Variants in KIAA2012 observed in about 807,000 individuals in gnomAD.
KIAA2012 encodes uncharacterized protein KIAA2012.
Under a neutral mutation model 150.6 loss-of-function variants are expected in KIAA2012, and 125 were observed. The observed-to-expected ratio is 0.83, with a 90% CI of 0.72 to 0.96. The LOEUF (loss-of-function observed/expected upper bound fraction) is 0.96, where lower values mean the gene tolerates loss of function less well. Ranked by LOEUF, KIAA2012 falls within the 40% of genes least tolerant of loss-of-function variation. The pLI is 0.00. For synonymous variants in KIAA2012, 462 were observed against 504.7 expected (o/e 0.92, Z 1.13); for missense variants, 1,219 against 1,354.9 (o/e 0.90, Z 1.57).
intron 12 of KIAA2012, among the ~76,000 whole-genome samples, chr2:202,129,817 AAAAT>A (rs1690885994): frequency 1.3e-5 from 2 of 152,162 alleles, no homozygotes; most frequent in African/African-American, 4.8e-5. Flanking sequence ...AAATATTTAA[AAAAT>A]AAATAAATAA....
intron 23 of KIAA2012, among the ~76,000 whole-genome samples, chr2:202,202,928 T>C (rs1488984400): frequency 6.9e-6 from 1 of 144,438 alleles, no homozygotes; most frequent in African/African-American, 2.5e-5. Flanking sequence ...CCCTGTCTCT[T>C]AAGAAAAAAA....
chr2:202,148,410 C>A (rs188272173), intron 13 of KIAA2012, among the ~76,000 whole-genome samples: 1 of 151,930 alleles, frequency 6.6e-6, no homozygotes, highest in Non-Finnish European at 1.5e-5. Context: ...TCCTGACAGG[C>A]GGAGAACAAG....
chr2:202,204,273 C>T (rs944289454), intron 23 of KIAA2012, among the ~76,000 whole-genome samples: 9 of 151,888 alleles, frequency 5.9e-5, no homozygotes, highest in African/African-American at 1.7e-4. Context: ...GATGGGGTTT[C>T]GTCATGATGC....
chr2:202,182,253 A>C (rs1028495406), intron 15 of KIAA2012, among the ~76,000 whole-genome samples: 2 of 151,514 alleles, frequency 1.3e-5, no homozygotes, highest in Non-Finnish European at 2.9e-5. Flanking sequence ...CTGGGATTAC[A>C]GGCTTGCACC....
chr2:202,113,475 G>GTTTT, intron 11 of KIAA2012, 29 bp downstream of exon 11: 2 of 1,149,894 alleles, frequency 1.7e-6, no homozygotes, highest in Non-Finnish European at 1.2e-6. Flanking sequence ...GGGCAGCCTT[G>GTTTT]TTTTTTTTTT....
At chr2:202,185,670 A>G (rs1235988383) in intron 16 of KIAA2012, among the ~76,000 whole-genome samples, 1 of 152,214 alleles carries the variant, frequency 6.6e-6, no homozygotes, top group South Asian at 2.1e-4. Flanking sequence ...ACTTTTCACA[A>G]AAGTCATCAT....
chr2:202,130,903 G>A (rs550310955), intron 12 of KIAA2012, among the ~76,000 whole-genome samples: 2 of 151,402 alleles, frequency 1.3e-5, no homozygotes, highest in South Asian at 2.1e-4. Flanking sequence ...GCAACAGAGC[G>A]AGACTCCATC....
intron 15 of KIAA2012, 95 bp from the exon 16 acceptor site, chr2:202,184,658 T>G: frequency 1.3e-6 from 1 of 794,758 alleles, no homozygotes; most frequent in Non-Finnish European, 1.9e-6. Context: ...TTTGCATGCC[T>G]TTGGCTACTC....
Position 202,099,726 on chromosome 2 carries a change from G to T in KIAA2012, c.942G>T (p.Trp314Cys). 6.4e-7 allele frequency: 1 copy of T among 1,550,530 alleles called. No individual in the cohort carries two copies. The highest frequency in any genetic ancestry group is 8.7e-7 in the Non-Finnish European group (1 of 1,146,986). ...AFGHGRIDHS[W>C]LPSDKSHITF... is the part of the protein sequence containing the mutation. ...GGCATGGCCGCATCGATCACTCTTG[G>T]CTCCCAAGTGACAAATCCCACATTA... Residue 314 changes from tryptophan to cysteine, a missense_variant, in exon 6 of 24, where the codon TGG (tryptophan) becomes TGT (cysteine). Trp to Cys is a radical substitution (Grantham distance 215, BLOSUM62 -2). Coordinates refer to ENST00000498697, the MANE Select transcript of KIAA2012 (RefSeq NM_001277372.4).
At chr2:202,087,085 T>C (rs76855343) in intron 2 of KIAA2012, among the ~76,000 whole-genome samples, 21,508 of 152,098 alleles carry the variant, frequency 0.14, 1,979 homozygotes, top group African/African-American at 0.26. Flanking sequence ...TAGAGTTTTA[T>C]TGGAACACAA....
At chr2:202,095,378 G>A (rs1311230869) in intron 4 of KIAA2012, among the ~76,000 whole-genome samples, 2 of 152,170 alleles carry the variant, frequency 1.3e-5, no homozygotes, top group African/African-American at 4.8e-5. Context: ...ATGTGATGCT[G>A]GCTAAGTCAC....
chr2:202,076,961 G>C, intron 2 of KIAA2012: 1 of 456,770 alleles, frequency 2.2e-6, no homozygotes, highest in Non-Finnish European at 4.4e-6. Context: ...ACGCTGGAAA[G>C]AGATTGGAGA....
chr2:202,176,357 C>T (rs560571364), intron 15 of KIAA2012, among the ~76,000 whole-genome samples: 8 of 152,150 alleles, frequency 5.3e-5, no homozygotes, highest in South Asian at 2.1e-4. Context: ...CCACCAGGCC[C>T]GGCTAATTTT....
At chr2:202,201,429 T>G in intron 22 of KIAA2012, 1 of 1,593,300 alleles carries the variant, frequency 6.3e-7, no homozygotes, top group Non-Finnish European at 8.6e-7. Context: ...GAAGTTCCCC[T>G]TCCACTGAGT....
intron 9 of KIAA2012, among the ~76,000 whole-genome samples, chr2:202,107,214 T>C (rs1163842541): frequency 6.8e-6 from 1 of 147,614 alleles, no homozygotes; most frequent in Non-Finnish European, 1.5e-5. Flanking sequence ...CCCAACATTG[T>C]GACTTTTCTA....
chr2:202,099,870 C>T, intron 6 of KIAA2012, 74 bp downstream of exon 6: 1 of 1,240,366 alleles, frequency 8.1e-7, no homozygotes, highest in Non-Finnish European at 1.1e-6. Context: ...GACACTGAGG[C>T]ATGCCAAACA....
At chr2:202,158,972 C>G (rs1691594770) in intron 14 of KIAA2012, among the ~76,000 whole-genome samples, 1 of 152,186 alleles carries the variant, frequency 6.6e-6, no homozygotes, top group South Asian at 2.1e-4. Flanking sequence ...AGTTCCCACA[C>G]AGTTAGCATA....
chr2:202,091,611 C>T (rs1018101605), intron 3 of KIAA2012, among the ~76,000 whole-genome samples: 1 of 152,144 alleles, frequency 6.6e-6, no homozygotes, highest in Non-Finnish European at 1.5e-5. Context: ...CCCCGCAACA[C>T]GCATAAACAG....
intron 14 of KIAA2012, 44 bp downstream of exon 14, chr2:202,154,854 A>C: frequency 6.6e-7 from 1 of 1,518,472 alleles, no homozygotes; most frequent in South Asian, 1.3e-5. Flanking sequence ...AGACACAAAC[A>C]CAGGAATTCC....
Sources: gnomAD v4.1 joint callset for allele counts (sites outside exome capture counted in the v4.1 genomes callset) on GRCh38, gnomAD v4.1.1 for gene constraint, MANE v1.5 for transcripts, NCBI Gene and HGNC (gene_info 2026-07-23, HGNC 2026-07-21) for gene names.